The following CXCL12 variants were observed in gnomAD, a reference collection of about 807,000 sequenced individuals.
CXCL12 encodes the protein stromal cell-derived factor 1.
CXCL12 carries 4 observed loss-of-function variants against 10.7 expected under a neutral mutation model. That is an observed-to-expected ratio of 0.37 (90% CI 0.18 to 0.86). The LOEUF (loss-of-function observed/expected upper bound fraction) is 0.86. Among genes scored for constraint, CXCL12 ranks in the 40% least tolerant of loss-of-function variants. The pLI, the probability that CXCL12 is intolerant of heterozygous loss-of-function variation, is 0.43. For synonymous variants in CXCL12, 54 were observed against 45.4 expected, an observed-to-expected ratio of 1.19 and a Z score of -0.77; for missense variants, 122 against 110.4, an observed-to-expected ratio of 1.10 and a Z score of -0.47.
At chr10:44,375,936 T>C (rs1839437532), downstream of CXCL12, 1 of 1,611,388 alleles carries the variant, frequency 6.2e-7, no homozygotes. Flanking sequence ...AGGTGGCAGA[T>C]AACTAGTTTT....
chr10:44,376,244 G>A (rs999520175), downstream of CXCL12, among the ~76,000 whole-genome samples: 1 of 152,172 alleles, frequency 6.6e-6, no homozygotes. Context: ...TGGGCTCCTA[G>A]AACACCTTTG....
intron 1 of CXCL12, among the ~76,000 whole-genome samples, chr10:44,383,929 C>T (rs1035507521): frequency 6.6e-6 from 1 of 152,226 alleles, no homozygotes; most frequent in African/African-American, 2.4e-5. Flanking sequence ...GCCAAGGAAG[C>T]TCAGCGGCCT....
Position 44,378,109 on chromosome 10 carries a change from G to C in CXCL12, c.*524C>G, listed in dbSNP as rs745759684. On this transcript the variant is annotated 3_prime_UTR_variant, in exon 3 of 3. Transcript: ENST00000343575. ...CCAGTCGGTATCTGAGTGCCACAGA[G>C]GCCTTCCTCTTGGGAGGGGCGCTGC... 4.8e-6 allele frequency: 7 copies of C among 1,446,722 alleles called. No individual in the cohort carries two copies. The African/African-American group carries it at 8.6e-5, about 18-fold the overall frequency. The allele number at this position is 1,446,722 out of a possible 1,614,324, so 89.6% of individuals were successfully genotyped here.
chr10:44,380,696 G>T (rs1839603407), intron 2 of CXCL12, 67 bp downstream of exon 2: 2 of 1,342,952 alleles, frequency 1.5e-6, no homozygotes, highest in East Asian at 2.3e-5. Flanking sequence ...TAAGACTCGG[G>T]TTAGATGTTA....
chr10:44,384,993 C>T lies in CXCL12; in HGVS notation c.13G>A (p.Val5Ile). 2 of 1,256,732 alleles carry T rather than the reference C, an allele frequency of 1.6e-6. No homozygotes were observed. The highest frequency in any genetic ancestry group is 2.6e-5 in the South Asian group (2 of 76,724). The allele number at this position is 1,256,732 out of a possible 1,614,324, so 77.8% of individuals were successfully genotyped here. A position where few individuals can be genotyped will look rare whatever the true frequency, so the allele number is the denominator to read the frequency against. ...AGCACGAGGACCAGCACGACCACGA[C>T]CTTGGCGTTCATGGCGCGGGCGGGC... is the stretch of plus-strand genomic sequence containing the variant. MNAKVVVVLVLVLTA... is the reference protein window; with the variant it reads MNAKIVVVLVLVLTA... The change falls in exon 1 of 3, where the codon GTC becomes ATC. Residue 5 changes from valine (V) to isoleucine (I), a missense_variant. Val to Ile is a conservative substitution (Grantham distance 29). Coordinates refer to ENST00000343575, the MANE Select transcript of CXCL12 (RefSeq NM_199168.4).
downstream of CXCL12, chr10:44,375,877 C>G: frequency 6.2e-7 from 1 of 1,604,902 alleles, no homozygotes; most frequent in South Asian, 1.1e-5. Context: ...GGAGGAGGAT[C>G]GAGCAAATTT....
At chr10:44,371,390 C>A, downstream of CXCL12, 1 of 466,650 alleles carries the variant, frequency 2.1e-6, no homozygotes. Flanking sequence ...TTTAAAATAT[C>A]TTGGATTACC....
downstream of CXCL12, among the ~76,000 whole-genome samples, chr10:44,376,338 C>CA (rs1197525888): frequency 2.6e-5 from 4 of 152,246 alleles, no homozygotes; most frequent in Admixed American, 2.6e-4. Context: ...AGGGTACACC[C>CA]AGGGCCAGGC....
chr10:44,381,365 A>G (rs1159548147), intron 1 of CXCL12, among the ~76,000 whole-genome samples: 1 of 152,192 alleles, frequency 6.6e-6, no homozygotes, highest in Non-Finnish European at 1.5e-5. Flanking sequence ...GAAGCACAGT[A>G]GTACTCAGGA....
At chr10:44,374,026 C>T (rs1839386792), downstream of CXCL12, among the ~76,000 whole-genome samples, 1 of 152,342 alleles carries the variant, frequency 6.6e-6, no homozygotes, top group Non-Finnish European at 1.5e-5. Context: ...ACCACCTGCT[C>T]CCAGGAGCTT....
Position 44,377,195 on chromosome 10 carries a change from G to A in CXCL12, c.*1438C>T, listed in dbSNP as rs575413915. The A allele has an allele frequency of 4.1e-6, 4 of 986,958 alleles. No homozygotes were observed. The African/African-American group carries it at 5.2e-5, about 13-fold the overall frequency. The allele number at this position is 986,958 out of a possible 1,614,324, so 61.1% of individuals were successfully genotyped here. ...TAATGTCACATTTGATACAATTTTA[G>A]TACAAGTGAAAAAATACACTGTGGC... On this transcript the variant is annotated 3_prime_UTR_variant, in exon 3 of 3. Coordinates refer to ENST00000343575, the MANE Select transcript of CXCL12 (RefSeq NM_199168.4).
At chr10:44,373,196 A>C (rs1233413591), downstream of CXCL12, 1 of 1,542,068 alleles carries the variant, frequency 6.5e-7, no homozygotes, top group Non-Finnish European at 8.8e-7. Context: ...AAATATGGCA[A>C]AGTGTGCAAA....
At chr10:44,380,605 G>A (rs1004479479) in intron 2 of CXCL12, 158 bp downstream of exon 2, 3 of 702,842 alleles carry the variant, frequency 4.3e-6, no homozygotes, top group Admixed American at 4.1e-5. Flanking sequence ...GCATACTAAA[G>A]GTCCTCATGA....
downstream of CXCL12, chr10:44,375,780 A>G (rs1839432537): frequency 2.1e-6 from 3 of 1,402,840 alleles, no homozygotes; most frequent in Non-Finnish European, 1.9e-6. Context: ...ACATAAATAC[A>G]GAAGCCGGTG....
At chr10:44,374,180 C>T, downstream of CXCL12, 1 of 338,144 alleles carries the variant, frequency 3.0e-6, no homozygotes, top group Admixed American at 3.9e-5. Flanking sequence ...AGTGGGATAG[C>T]AAGCAGTTTG....
Position 44,377,846 on chromosome 10 carries a change from G to C in CXCL12, c.*787C>G. 1 of 1,592,802 alleles carries C rather than the reference G, an allele frequency of 6.3e-7. No homozygotes were observed. The highest frequency in any genetic ancestry group is 1.1e-5 in the South Asian group (1 of 89,912). ...TGTGGGGCAGGCCCTGGGAGGAGAG[G>C]GATGCAGGGCACGAGCCCCAGCAAT... On this transcript the variant is annotated 3_prime_UTR_variant, in exon 3 of 3. Transcript: ENST00000343575.
intron 2 of CXCL12, chr10:44,380,525 G>A (rs559690351): frequency 5.3e-5 from 27 of 510,812 alleles, no homozygotes; most frequent in Non-Finnish European, 9.2e-5. Flanking sequence ...GGTTTGGAAA[G>A]AAGAGAGAAC....
In CXCL12 at chr10:44,378,753, G is replaced by A. The variant is rs1217505213; in HGVS notation, c.180-30C>T. The A allele has an allele frequency of 2.5e-6, 4 of 1,610,290 alleles. No homozygotes were observed. In the African/African-American group the frequency reaches 5.3e-5, roughly 22 times the overall value. On this transcript the variant is annotated intron_variant, in intron 2 of 2. Transcript: ENST00000343575. ...GAAAACAGAATGGCAACAGTGTGCG[G>A]CTGCACAGGAGGAAGGCGCGGCTGC... is the stretch of plus-strand genomic sequence containing the variant.
intron 2 of CXCL12, among the ~76,000 whole-genome samples, chr10:44,379,193 C>G (rs1588900311): frequency 6.6e-6 from 1 of 151,786 alleles, no homozygotes; most frequent in Non-Finnish European, 1.5e-5. Context: ...GATATAGGGC[C>G]GACTTAAGGA....
Sources: gnomAD v4.1 joint callset for allele counts (sites outside exome capture counted in the v4.1 genomes callset) on GRCh38, gnomAD v4.1.1 for gene constraint, MANE v1.5 for transcripts, NCBI Gene and HGNC (gene_info 2026-07-23, HGNC 2026-07-21) for gene names.